The following SNAP91 variants were observed in gnomAD, a reference collection of about 807,000 sequenced individuals.
SNAP91 encodes the protein synaptosome associated protein 91.
Under a neutral mutation model 100.3 loss-of-function variants are expected in SNAP91, and 27 were observed. That is an observed-to-expected ratio of 0.27 (90% CI 0.20 to 0.37). SNAP91 has a LOEUF of 0.37. Ranked by LOEUF, SNAP91 falls within the 10% of genes least tolerant of loss-of-function variation. The probability of loss-of-function intolerance (pLI) is 1.00; values close to 1 mark genes in which losing one functional copy is unlikely to be tolerated. For missense variants in SNAP91, 986 were observed against 1,123.7 expected (o/e 0.88, Z 1.75); for synonymous variants, 404 against 398.6 (o/e 1.01, Z -0.16).
At position 83,585,523 on chromosome 6, in the gene SNAP91, T is replaced by G. The variant is rs1326429324; in HGVS notation, c.2015-3167A>C. On this transcript the variant is annotated intron_variant, in intron 22 of 29. Coordinates refer to ENST00000369694, the MANE Select transcript of SNAP91 (RefSeq NM_001242792.2). Reference sequence around the variant, plus strand: ...CAGCCTATGCAACAGAGGGTGACCTTGTTGCTTAAAAAAAAAAAAAAAAGA... The same window carrying G: ...CAGCCTATGCAACAGAGGGTGACCTGGTTGCTTAAAAAAAAAAAAAAAAGA... Among the ~76,000 whole-genome samples, 2 of 98,882 alleles carry G rather than the reference T, an allele frequency of 2.0e-5. 1 individual carries two copies. The highest frequency in any genetic ancestry group is 3.8e-5 in the Non-Finnish European group (2 of 52,108). The allele number at this position is 98,882 out of a possible 152,430, so 64.9% of individuals were successfully genotyped here.
intron 2 of SNAP91, among the ~76,000 whole-genome samples, chr6:83,685,170 C>T (rs1367788897): frequency 6.6e-6 from 1 of 152,124 alleles, no homozygotes; most frequent in African/African-American, 2.4e-5. Flanking sequence ...AGAATATACC[C>T]CATGTTAACA....
At chr6:83,698,462 G>C (rs953390865) in intron 2 of SNAP91, among the ~76,000 whole-genome samples, 5 of 152,214 alleles carry the variant, frequency 3.3e-5, no homozygotes, top group South Asian at 2.1e-4. Context: ...GGGAACAGGG[G>C]ACAAGGCCTT....
chr6:83,582,227 G>A lies in SNAP91; in HGVS notation c.2144C>T (p.Pro715Leu). 3.7e-6 allele frequency: 6 copies of A among 1,613,504 alleles called. No individual in the cohort carries two copies. Among genetic ancestry groups the A allele is most frequent in the Non-Finnish European group, 5.1e-6 (6 of 1,179,626 alleles). ...PSTSSSSSFD[P>L]SVFDGLGDLL... ...TTTGAAAGTCACTGCCTCACCTGATGGATCAAAGGAGCTGCTGCTGGAAGT... is the reference window on the plus strand; with the variant it reads ...TTTGAAAGTCACTGCCTCACCTGATAGATCAAAGGAGCTGCTGCTGGAAGT... The change falls in exon 23 of 30, where the codon CCA (proline) becomes CTA (leucine). Residue 715 changes from proline (P) to leucine (L), a missense_variant. Transcript: ENST00000369694.
intron 11 of SNAP91, among the ~76,000 whole-genome samples, chr6:83,614,357 C>T (rs2096344621): frequency 6.6e-6 from 1 of 151,038 alleles, no homozygotes; most frequent in East Asian, 1.9e-4. Flanking sequence ...CAGCAGTGGA[C>T]ACAAGGTACT....
At chr6:83,603,610 C>A in intron 14 of SNAP91, among the ~76,000 whole-genome samples, 1 of 150,866 alleles carries the variant, frequency 6.6e-6, no homozygotes, top group Admixed American at 6.6e-5. Flanking sequence ...AAGCTATATT[C>A]TAAAATAAAA....
intron 28 of SNAP91, among the ~76,000 whole-genome samples, chr6:83,558,713 A>G (rs1034290601): frequency 1.3e-5 from 2 of 152,234 alleles, no homozygotes; most frequent in African/African-American, 2.4e-5. Context: ...AGTTAAAAAT[A>G]TTATAGGACT....
intron 2 of SNAP91, 88 bp downstream of exon 2, chr6:83,707,710 C>T (rs2099399331): frequency 6.5e-7 from 1 of 1,534,742 alleles, no homozygotes; most frequent in African/African-American, 1.4e-5. Flanking sequence ...GAGGCCACAG[C>T]ATTATGGACC....
chr6:83,558,864 T>G (rs761288722), intron 28 of SNAP91, among the ~76,000 whole-genome samples: 1 of 152,132 alleles, frequency 6.6e-6, no homozygotes, highest in Non-Finnish European at 1.5e-5. Context: ...GTTCTACATG[T>G]AACATCACCT....
intron 17 of SNAP91, 120 bp from the exon 18 acceptor site, chr6:83,593,861 C>A: frequency 1.4e-6 from 2 of 1,399,608 alleles, no homozygotes; most frequent in Admixed American, 2.5e-5. Context: ...AGGTGTGAGG[C>A]TCCTTGGATT....
intron 8 of SNAP91, among the ~76,000 whole-genome samples, chr6:83,638,492 ATTGT>A (rs1418664849): frequency 2.0e-5 from 3 of 152,092 alleles, no homozygotes; most frequent in East Asian, 1.9e-4. Flanking sequence ...AAGCAACTGC[ATTGT>A]TTATTTGTAT....
At chr6:83,564,330 C>CT (rs1365327344) in intron 26 of SNAP91, among the ~76,000 whole-genome samples, 9 of 143,366 alleles carry the variant, frequency 6.3e-5, no homozygotes, top group African/African-American at 2.2e-4. Context: ...CTTTCTTTCT[C>CT]TTTTCTTTTT....
At chr6:83,704,596 T>C (rs1159910927) in intron 2 of SNAP91, among the ~76,000 whole-genome samples, 1 of 152,068 alleles carries the variant, frequency 6.6e-6, no homozygotes, top group Non-Finnish European at 1.5e-5. Context: ...TCTTGGCCTA[T>C]CAACCTAAAG....
intron 25 of SNAP91, chr6:83,575,607 C>A (rs772967868): frequency 7.4e-5 from 15 of 202,760 alleles, no homozygotes; most frequent in Non-Finnish European, 1.1e-4. Flanking sequence ...TCAATTTCAA[C>A]GACAAAATAT....
Position 83,661,584 on chromosome 6 carries a change from T to G in SNAP91, c.370A>C (p.Ile124Leu). The G allele has an allele frequency of 1.9e-6, 3 of 1,601,216 alleles. No homozygotes were observed. The highest frequency in any genetic ancestry group is 2.6e-6 in the Non-Finnish European group (3 of 1,172,412). Residue 124 changes from isoleucine (I) to leucine (L), a missense_variant, in exon 5 of 30, where the codon ATA (isoleucine) becomes CTA (leucine). Coordinates refer to ENST00000369694, the MANE Select transcript of SNAP91 (RefSeq NM_001242792.2). ...TTCAAATATCTACTATAGCGCCTTA[T>G]GAAGGTAGACATATCATAACCTGGG... The part of the protein sequence containing the change: ...GSHGYDMSTF[I>L]RRYSRYLNEK...
intron 8 of SNAP91, among the ~76,000 whole-genome samples, chr6:83,636,556 A>G (rs184564876): frequency 6.6e-6 from 1 of 152,014 alleles, no homozygotes; most frequent in Non-Finnish European, 1.5e-5. Flanking sequence ...CTCATCTTTC[A>G]TATCTTGGAT....
intron 14 of SNAP91, among the ~76,000 whole-genome samples, chr6:83,604,803 A>G (rs1011646976): frequency 1.8e-4 from 27 of 152,288 alleles, no homozygotes; most frequent in Admixed American, 1.2e-3. Flanking sequence ...TTATTCTAAC[A>G]TTCCTTTTAA....
intron 7 of SNAP91, among the ~76,000 whole-genome samples, chr6:83,642,185 T>A (rs989513093): frequency 1.5e-4 from 23 of 151,900 alleles, no homozygotes; most frequent in African/African-American, 4.6e-4. Context: ...ATTCTTTTTT[T>A]AATTTATATA....
chr6:83,671,690 G>A (rs925025624), intron 2 of SNAP91, among the ~76,000 whole-genome samples: 2 of 151,954 alleles, frequency 1.3e-5, no homozygotes, highest in Admixed American at 1.3e-4. Flanking sequence ...GAAGGAAATA[G>A]GTATAAGCAG....
intron 23 of SNAP91, among the ~76,000 whole-genome samples, chr6:83,581,355 T>C (rs1469299118): frequency 6.6e-6 from 1 of 152,198 alleles, no homozygotes; most frequent in Non-Finnish European, 1.5e-5. Context: ...TTAAATACTA[T>C]TTTAAGTATT....
Sources: gnomAD v4.1 joint callset for allele counts (sites outside exome capture counted in the v4.1 genomes callset) on GRCh38, gnomAD v4.1.1 for gene constraint, MANE v1.5 for transcripts, NCBI Gene and HGNC (gene_info 2026-07-23, HGNC 2026-07-21) for gene names.